R3HCC1L: variants seen among roughly 807,000 people sequenced by gnomAD.
R3HCC1L encodes coiled-coil domain-containing protein R3HCC1L.
R3HCC1L carries 51 observed loss-of-function variants against 59.9 expected under a neutral mutation model. That is an observed-to-expected ratio of 0.85 (90% CI 0.68 to 1.07). The LOEUF (loss-of-function observed/expected upper bound fraction) is 1.07. Among genes scored for constraint, R3HCC1L ranks in the 50% least tolerant of loss-of-function variants. The probability of loss-of-function intolerance (pLI) is 0.00; values close to 1 mark genes in which losing one functional copy is unlikely to be tolerated. For synonymous variants in R3HCC1L, 322 were observed against 315.2 expected, an observed-to-expected ratio of 1.02 and a Z score of -0.23; for missense variants, 965 against 933.0, an observed-to-expected ratio of 1.03 and a Z score of -0.45.
chr10:98,209,817 A>C lies in R3HCC1L; in HGVS notation c.1703A>C (p.Glu568Ala), dbSNP rs370785776. Reference protein sequence around the residue: ...EPKATETSHTEGITAIEESWE... With the variant: ...EPKATETSHTAGITAIEESWE... ...AAAGCAACTGAAACTTCTCACACAG[A>C]GGGAATTACTGCCATTGAGGAGAGC... is the stretch of plus-strand genomic sequence containing the variant. The change falls in exon 5 of 10, where the codon GAG becomes GCG. Residue 568 changes from glutamate (E) to alanine (A), a missense_variant. Glu to Ala is a moderately radical substitution (Grantham distance 107). Coordinates refer to ENST00000298999, the MANE Select transcript of R3HCC1L (RefSeq NM_001351015.2). 2.7e-5 allele frequency: 44 copies of C among 1,613,778 alleles called. No homozygotes were observed. Among genetic ancestry groups the C allele is most frequent in the Non-Finnish European group, 3.6e-5 (43 of 1,179,834 alleles).
chr10:98,194,866 G>A (rs1254847030), intron 4 of R3HCC1L, among the ~76,000 whole-genome samples: 3 of 152,168 alleles, frequency 2.0e-5, no homozygotes. Context: ...CACACTGTTG[G>A]TGGGATTGTA....
chr10:98,199,731 A>G (rs1292501150), intron 4 of R3HCC1L, among the ~76,000 whole-genome samples: 1 of 152,058 alleles, frequency 6.6e-6, no homozygotes, highest in East Asian at 1.9e-4. Flanking sequence ...ATTAGTTATT[A>G]ATGAAAACGA....
intron 4 of R3HCC1L, among the ~76,000 whole-genome samples, chr10:98,204,541 G>A (rs942793964): frequency 1.1e-4 from 16 of 152,166 alleles, no homozygotes; most frequent in African/African-American, 3.9e-4. Flanking sequence ...AGCGTTTCTT[G>A]CCTATAGTTG....
intron 5 of R3HCC1L, chr10:98,231,001 T>C (rs759187089): frequency 2.4e-6 from 1 of 414,680 alleles, no homozygotes; most frequent in South Asian, 1.8e-5. Flanking sequence ...AATGCCTTTG[T>C]AAGCTGTCTC....
At position 98,203,793 on chromosome 10, in the gene R3HCC1L, G is replaced by A. The variant is rs965585556; in HGVS notation, c.-14-4308G>A. On this transcript the variant is annotated intron_variant, in intron 4 of 9. Coordinates refer to ENST00000298999, the MANE Select transcript of R3HCC1L (RefSeq NM_001351015.2). ...GAAGTTACCAATATTTTCTCTCAGG[G>A]AGCCGTGGAAACTGTAGAAGTAATT... Among the ~76,000 whole-genome samples the A allele has an allele frequency of 3.9e-5, 6 of 152,302 alleles. 1 individual carries two copies. The highest frequency in any genetic ancestry group is 1.2e-4 in the African/African-American group (5 of 41,548).
Position 98,209,693 on chromosome 10 carries a change from G to T in R3HCC1L, c.1579G>T (p.Glu527Ter). ...EALHELRTAE[E>*]FKTEEQDDSG... Reference sequence around the variant, plus strand: ...ATTGCACGAACTAAGAACTGCCGAAGAGTTCAAAACAGAAGAGCAAGATGA... The same window carrying T: ...ATTGCACGAACTAAGAACTGCCGAATAGTTCAAAACAGAAGAGCAAGATGA... Residue 527 changes from glutamate (E) to a stop codon, truncating the protein, a stop_gained, in exon 5 of 10, where the codon GAG becomes TAG. Transcript: ENST00000298999. LOFTEE classifies it high-confidence loss of function. 1 of 1,614,006 alleles carries T rather than the reference G, an allele frequency of 6.2e-7. No homozygotes were observed. The highest frequency in any genetic ancestry group is 8.5e-7 in the Non-Finnish European group (1 of 1,179,916).
chr10:98,190,463 G>T (rs766313187), intron 4 of R3HCC1L, among the ~76,000 whole-genome samples: 3 of 152,070 alleles, frequency 2.0e-5, no homozygotes, highest in Non-Finnish European at 4.4e-5. Context: ...TTCTATGCCT[G>T]TTGTATACTT....
At chr10:98,161,118 G>T (rs1847370625) in intron 2 of R3HCC1L, among the ~76,000 whole-genome samples, 1 of 152,130 alleles carries the variant, frequency 6.6e-6, no homozygotes, top group Non-Finnish European at 1.5e-5. Context: ...TTCTGCAGAG[G>T]TTGTACGAAT....
Position 98,143,654 on chromosome 10 carries a change from C to G in R3HCC1L, c.-268+8948C>G, listed in dbSNP as rs563958734. 6.6e-5 allele frequency among the ~76,000 whole-genome samples: 10 copies of G among 152,218 alleles called. No individual in the cohort carries two copies. The South Asian group carries it at 1.9e-3, about 28-fold the overall frequency. Reference sequence around the variant, plus strand: ...CAGTTTATTAACTTGCAGTTTGCCCCCTCAGTGGAGAGAAAACATTAAAAT... The same window carrying G: ...CAGTTTATTAACTTGCAGTTTGCCCGCTCAGTGGAGAGAAAACATTAAAAT... On this transcript the variant is annotated intron_variant, in intron 1 of 9. Transcript: ENST00000298999.
chr10:98,211,409 T>G, intron 5 of R3HCC1L: 1 of 1,485,658 alleles, frequency 6.7e-7, no homozygotes, highest in African/African-American at 1.4e-5. Flanking sequence ...TGTCAGCCCA[T>G]AATTAGAAAA....
chr10:98,202,917 A>T (rs1400942226), intron 4 of R3HCC1L, among the ~76,000 whole-genome samples: 1 of 152,042 alleles, frequency 6.6e-6, no homozygotes, highest in African/African-American at 2.4e-5. Context: ...CAGTGTCATA[A>T]ATGACAGCTT....
rs188887825 is a variant in R3HCC1L at position 98,183,980 on chromosome 10, A to G, written c.-15+20583A>G. Among the ~76,000 whole-genome samples the G allele has an allele frequency of 3.7e-3, 369 of 100,314 alleles. 3 individuals carry two copies. The highest frequency in any genetic ancestry group is 6.3e-3 in the South Asian group (24 of 3,806). The allele number at this position is 100,314 out of a possible 152,430, so 65.8% of individuals were successfully genotyped here. A position where few individuals can be genotyped will look rare whatever the true frequency, so the allele number is the denominator to read the frequency against. ...TCGGTTTTTTTTTTTTTTTGGTTGA[A>G]ATCTGGACATTTTGTGTAGAGAGCC... On this transcript the variant is annotated intron_variant, in intron 4 of 9. Transcript: ENST00000298999.
At chr10:98,232,706 C>T (rs1856529249) in intron 6 of R3HCC1L, among the ~76,000 whole-genome samples, 1 of 152,106 alleles carries the variant, frequency 6.6e-6, no homozygotes, top group Non-Finnish European at 1.5e-5. Context: ...GTGTAAGATT[C>T]TATATAAGTC....
At chr10:98,201,881 A>AT (rs145665708) in intron 4 of R3HCC1L, among the ~76,000 whole-genome samples, 3,148 of 143,342 alleles carry the variant, frequency 0.022, 103 homozygotes, top group African/African-American at 0.07. Context: ...GAAAGATGAG[A>AT]TTTTTTTTTT....
chr10:98,238,660 T>C (rs899431042), intron 9 of R3HCC1L, among the ~76,000 whole-genome samples: 2 of 152,192 alleles, frequency 1.3e-5, no homozygotes, highest in African/African-American at 2.4e-5. Context: ...TGAATCTAGG[T>C]ACCGCTGATT....
chr10:98,244,006 A>C, intron 9 of R3HCC1L, 85 bp from the exon 10 acceptor site: 1 of 1,198,472 alleles, frequency 8.3e-7, no homozygotes, highest in Non-Finnish European at 1.2e-6. Flanking sequence ...TCTCATGACT[A>C]AAGTTTGCCT....
intron 1 of R3HCC1L, among the ~76,000 whole-genome samples, chr10:98,146,981 C>T (rs1434306865): frequency 1.3e-5 from 2 of 152,144 alleles, no homozygotes; most frequent in Non-Finnish European, 2.9e-5. Context: ...GAGGAGCCTC[C>T]ATACTGTTCC....
chr10:98,210,345 G>C (rs1222967874), intron 5 of R3HCC1L, among the ~76,000 whole-genome samples: 1 of 152,120 alleles, frequency 6.6e-6, no homozygotes, highest in Non-Finnish European at 1.5e-5. Context: ...TAAAATACAA[G>C]AAAGTATCAT....
At position 98,208,686 on chromosome 10, in the gene R3HCC1L, A is replaced by C. The variant is rs150756925; in HGVS notation, c.572A>C (p.His191Pro). Residue 191 changes from histidine (H) to proline (P), a missense_variant, in exon 5 of 10, where the codon CAT (histidine) becomes CCT (proline). Coordinates refer to ENST00000298999, the MANE Select transcript of R3HCC1L (RefSeq NM_001351015.2). ...GTGGAATTCTGTGACTTCAGTAGGCATGAACCTGATGGGGAAGCATTTGAA... is the reference window on the plus strand; with the variant it reads ...GTGGAATTCTGTGACTTCAGTAGGCCTGAACCTGATGGGGAAGCATTTGAA... The part of the protein sequence containing the change: ...QNVEFCDFSR[H>P]EPDGEAFEDK... The C allele has an allele frequency of 3.1e-5, 50 of 1,614,172 alleles. No homozygotes were observed. The African/African-American group carries it at 6.3e-4, about 20-fold the overall frequency.
Sources: allele counts gnomAD v4.1 joint callset (sites outside exome capture counted in the v4.1 genomes callset), GRCh38; gene constraint gnomAD v4.1.1; transcripts MANE v1.5; gene names NCBI Gene and HGNC (gene_info 2026-07-23, HGNC 2026-07-21).